Variants in HSPG2 observed in about 807,000 individuals in gnomAD.
The protein encoded by HSPG2 is basement membrane-specific heparan sulfate proteoglycan core protein.
Under a neutral mutation model 526.6 loss-of-function variants are expected in HSPG2, and 278 were observed. The ratio of observed to expected loss-of-function variants is 0.53; its 90% confidence interval spans 0.48 to 0.58. The LOEUF (loss-of-function observed/expected upper bound fraction) is 0.58, where lower values mean the gene tolerates loss of function less well. Ranked by LOEUF, HSPG2 falls within the 20% of genes least tolerant of loss-of-function variation. HSPG2 has a pLI of 0.00. For missense variants in HSPG2, 5,354 were observed against 6,099.5 expected (o/e 0.88, Z 4.07); for synonymous variants, 2,465 against 2,555.4 (o/e 0.96, Z 1.07).
At position 21,931,187 on chromosome 1, in the gene HSPG2, C is replaced by T. The variant is rs971122325; in HGVS notation, c.63+5968G>A. Among the ~76,000 whole-genome samples, 6 of 152,352 alleles carry T rather than the reference C, an allele frequency of 3.9e-5. No individual in the cohort carries two copies. In the East Asian group the frequency reaches 9.6e-4, roughly 24 times the overall value. On this transcript the variant is annotated intron_variant, in intron 1 of 96. Transcript: ENST00000374695. ...CTCAGGGCTTTCATGACAGCACCCC[C>T]GACCCGGCCACCCCAGCAGCCACGA... is the stretch of plus-strand genomic sequence containing the variant.
chr1:21,835,532 C>A lies in HSPG2; in HGVS notation c.10453+8G>T. On this transcript the variant is annotated splice_region_variant and intron_variant, in intron 76 of 96. Transcript: ENST00000374695. The stretch of plus-strand genomic sequence containing the variant: ...GCTCTTAGCAGAGGCCTGAAGCCAC[C>A]CTCCTACCTTGGATAACCAGCTGGG... 1 of 1,604,078 alleles carries A rather than the reference C, an allele frequency of 6.2e-7. No homozygotes were observed. The highest frequency in any genetic ancestry group is 8.5e-7 in the Non-Finnish European group (1 of 1,170,990).
chr1:21,853,052 G>GGCCGGGTGCT lies in HSPG2; in HGVS notation c.6448_6457dup (p.Pro2153GlnfsTer276). On this transcript the variant is annotated frameshift_variant, in exon 51 of 97. Coordinates refer to ENST00000374695, the MANE Select transcript of HSPG2 (RefSeq NM_005529.7). LOFTEE classifies it high-confidence loss of function. ...TGAGGAGGAGGGCTCGATGCGGATG[G>GGCCGGGTGCT]GCCGGGTGCTGCCGGGCACTGGACA... 6.2e-7 allele frequency: 1 copy of GGCCGGGTGCT among 1,613,900 alleles called. No homozygotes were observed. The highest frequency in any genetic ancestry group is 8.5e-7 in the Non-Finnish European group (1 of 1,179,948).
chr1:21,846,015 G>A, intron 64 of HSPG2, 93 bp downstream of exon 64: 1 of 1,459,620 alleles, frequency 6.9e-7, no homozygotes, highest in South Asian at 1.1e-5. Flanking sequence ...CTCGCCGAGT[G>A]CCAGAAAGTG....
intron 86 of HSPG2, 86 bp downstream of exon 86, chr1:21,829,907 A>C: frequency 4.6e-6 from 5 of 1,089,762 alleles, no homozygotes; most frequent in Non-Finnish European, 5.5e-6. Context: ...TATCATCCGT[A>C]GGGCCCATCA....
chr1:21,908,787 C>T (rs1368529587), intron 1 of HSPG2, among the ~76,000 whole-genome samples: 3 of 152,166 alleles, frequency 2.0e-5, no homozygotes, highest in Non-Finnish European at 4.4e-5. Flanking sequence ...AAATTCTAGG[C>T]TGTGTCCCAC....
intron 1 of HSPG2, among the ~76,000 whole-genome samples, chr1:21,934,641 G>C (rs1258840627): frequency 6.6e-6 from 1 of 151,830 alleles, no homozygotes; most frequent in African/African-American, 2.4e-5. Context: ...TGTCGCCCAG[G>C]CTGGAGTGCA....
At chr1:21,933,999 C>A (rs532315310) in intron 1 of HSPG2, among the ~76,000 whole-genome samples, 3 of 152,374 alleles carry the variant, frequency 2.0e-5, no homozygotes, top group South Asian at 4.1e-4. Context: ...ACCTTAATCA[C>A]CACCGAGGCT....
chr1:21,912,043 C>T (rs756435957), intron 1 of HSPG2, among the ~76,000 whole-genome samples: 10 of 152,140 alleles, frequency 6.6e-5, no homozygotes, highest in South Asian at 6.2e-4. Context: ...CTCTGAGACA[C>T]GTTGATAGTT....
At chr1:21,936,433 C>T (rs539762439) in intron 1 of HSPG2, among the ~76,000 whole-genome samples, 48 of 152,198 alleles carry the variant, frequency 3.2e-4, no homozygotes, top group Middle Eastern at 3.4e-3. Context: ...CCCCGCACCA[C>T]GCACTTTGCA....
rs573792702 is a variant in HSPG2 at position 21,823,403 on chromosome 1, C to T, written c.13089G>A (p.Ser4363=). ...TGCVKNLVLH[S]ARPGAPPPQP... ...GTGGGGGCGGGGCGCCGGGTCGGGCCGAGTGCAGCACCAGGTTCTTGACAC... is the reference window on the plus strand; with the variant it reads ...GTGGGGGCGGGGCGCCGGGTCGGGCTGAGTGCAGCACCAGGTTCTTGACAC... The change falls in exon 97 of 97, where the codon TCG becomes TCA. Residue 4363 remains serine, a synonymous_variant. Transcript: ENST00000374695. 14 of 1,572,708 alleles carry T rather than the reference C, an allele frequency of 8.9e-6. No homozygotes were observed. Among genetic ancestry groups the T allele is most frequent in the South Asian group, 1.1e-5 (1 of 87,360 alleles).
At position 21,847,355 on chromosome 1, in the gene HSPG2, G is replaced by A. The variant is rs768337273; in HGVS notation, c.8163C>T (p.Ser2721=). The A allele has an allele frequency of 4.4e-5, 71 of 1,613,876 alleles. No homozygotes were observed. Among genetic ancestry groups the A allele is most frequent in the African/African-American group, 1.2e-4 (9 of 74,942 alleles). Reference sequence around the variant, plus strand: ...CGTCCCTTTCCTAGGCAGACTCACCGGAGGGGCTGCCGGCGCTAGGGGAGA... The same window carrying A: ...CGTCCCTTTCCTAGGCAGACTCACCAGAGGGGCTGCCGGCGCTAGGGGAGA... ...ISVSPSAGSP[S]APGSSMPIRI... The change falls in exon 62 of 97, where the codon TCC becomes TCT. Residue 2721 remains serine (S), a splice_region_variant and synonymous_variant. Coordinates refer to ENST00000374695, the MANE Select transcript of HSPG2 (RefSeq NM_005529.7). The surrounding 1 kb of genome is among the most constrained non-coding windows in gnomAD (Gnocchi z 4.1).
intron 33 of HSPG2, among the ~76,000 whole-genome samples, chr1:21,868,228 A>G (rs1297734307): frequency 1.3e-5 from 2 of 150,890 alleles, no homozygotes; most frequent in Non-Finnish European, 2.9e-5. Context: ...TAGTAGAGAC[A>G]GGGTTTCACC....
intron 6 of HSPG2, chr1:21,888,848 C>T (rs1469782737): frequency 4.1e-6 from 2 of 485,852 alleles, no homozygotes; most frequent in East Asian, 7.2e-5. Context: ...GGGCTGGACC[C>T]CCAGCAGTCT....
chr1:21,843,514 T>G, intron 65 of HSPG2, 76 bp from the exon 66 acceptor site: 7 of 1,497,732 alleles, frequency 4.7e-6, no homozygotes, highest in Non-Finnish European at 6.4e-6. Flanking sequence ...ACCCACACCC[T>G]GGGACTGCCA....
At chr1:21,829,772 C>T in intron 86 of HSPG2, 168 bp from the exon 87 acceptor site, 2 of 714,208 alleles carry the variant, frequency 2.8e-6, no homozygotes, top group South Asian at 1.8e-5. Context: ...TGCCCTTGCA[C>T]ACGGGGCTGG....
chr1:21,851,816 C>A lies in HSPG2; in HGVS notation c.6981G>T (p.Gly2327=). The change falls in exon 54 of 97, where the codon GGG becomes GGT. Residue 2327 remains glycine (G), a synonymous_variant. Coordinates refer to ENST00000374695, the MANE Select transcript of HSPG2 (RefSeq NM_005529.7). Reference sequence around the variant, plus strand: ...GGTAGGCTAAGTTGGCCCCCTGGGTCCCAGTTACTGTGACCGTGATGGAGG... The same window carrying A: ...GGTAGGCTAAGTTGGCCCCCTGGGTACCAGTTACTGTGACCGTGATGGAGG... ...MEASITVTVT[G]TQGANLAYPA... 6.2e-7 allele frequency: 1 copy of A among 1,613,814 alleles called. No individual in the cohort carries two copies.
At chr1:21,882,096 A>C (rs1641561862) in intron 13 of HSPG2, among the ~76,000 whole-genome samples, 1 of 152,078 alleles carries the variant, frequency 6.6e-6, no homozygotes, top group Non-Finnish European at 1.5e-5. Context: ...CACAGGGTAA[A>C]GAAAGGACAA....
chr1:21,832,844 C>T (rs1403196858), intron 80 of HSPG2: 1 of 591,008 alleles, frequency 1.7e-6, no homozygotes, highest in Non-Finnish European at 3.0e-6. Flanking sequence ...CTGGAGTCTC[C>T]CTCAAGGGGG....
intron 17 of HSPG2, among the ~76,000 whole-genome samples, chr1:21,879,798 G>A (rs561330712): frequency 6.6e-5 from 10 of 152,258 alleles, no homozygotes; most frequent in African/African-American, 1.9e-4. Flanking sequence ...GATTACAGGC[G>A]TACGCCACCA....
Sources: gnomAD v4.1 joint callset for allele counts (sites outside exome capture counted in the v4.1 genomes callset) on GRCh38, gnomAD v4.1.1 for gene constraint, Gnocchi (gnomAD v3.1) non-coding constraint, MANE v1.5 for transcripts, NCBI Gene and HGNC (gene_info 2026-07-23, HGNC 2026-07-21) for gene names.